The following CPEB4 variants were observed in gnomAD, a reference collection of about 807,000 sequenced individuals.
CPEB4 encodes the protein cytoplasmic polyadenylation element binding protein 4, also known as cytoplasmic polyadenylation element-binding protein 4.
CPEB4 carries 12 observed loss-of-function variants against 72.5 expected under a neutral mutation model. The ratio of observed to expected loss-of-function variants is 0.17; its 90% CI spans 0.11 to 0.27. The LOEUF is 0.27. Ranked by LOEUF, CPEB4 falls within the 10% of genes least tolerant of loss-of-function variation. CPEB4 has a pLI of 1.00. For synonymous variants in CPEB4, 302 were observed against 326.3 expected (o/e 0.93, Z 0.80); for missense variants, 614 against 908.5 (o/e 0.68, Z 4.17).
Position 173,888,866 on chromosome 5 carries a change from C to G in CPEB4, c.-868C>G, listed in dbSNP as rs949838778. On this transcript the variant is annotated 5_prime_UTR_variant, in exon 1 of 10. Transcript: ENST00000265085. The surrounding 1 kb of genome is among the most constrained non-coding windows in gnomAD (Gnocchi z 4.3). ...CCCCAGGCCGCCCGCTCACCCTCGTCGAGTCTCGCTAATCCCTCCTGATCG... is the reference window on the plus strand; with the variant it reads ...CCCCAGGCCGCCCGCTCACCCTCGTGGAGTCTCGCTAATCCCTCCTGATCG... 7.9e-6 allele frequency: 2 copies of G among 253,870 alleles called. No homozygotes were observed. Among genetic ancestry groups the G allele is most frequent in the Non-Finnish European group, 1.5e-5 (2 of 134,554 alleles). 15.7% of individuals were successfully genotyped at this position (253,870 alleles called of 1,614,324 possible).
chr5:173,910,720 T>G lies in CPEB4; in HGVS notation c.1207+116T>G, dbSNP rs150875114. On this transcript the variant is annotated intron_variant, in intron 2 of 9. Coordinates refer to ENST00000265085, the MANE Select transcript of CPEB4 (RefSeq NM_030627.4). ...TGGAGTCACTTTGTATGCAGTAAGT[T>G]CTATCAATTTTACACATATACCTCT... 2.4e-4 allele frequency: 169 copies of G among 691,540 alleles called. No individual in the cohort carries two copies. The East Asian group carries it at 3.9e-3, about 16-fold the overall frequency. The allele number at this position is 691,540 out of a possible 1,614,324, so 42.8% of individuals were successfully genotyped here.
At chr5:173,915,756 C>G (rs1756845785) in intron 2 of CPEB4, among the ~76,000 whole-genome samples, 1 of 152,134 alleles carries the variant, frequency 6.6e-6, no homozygotes, top group Non-Finnish European at 1.5e-5. Flanking sequence ...CATGTTTTTT[C>G]TCGCTTATGA....
At position 173,900,659 on chromosome 5, in the gene CPEB4, ATC is replaced by A. The variant is rs913268932; in HGVS notation, c.1125+9805_1125+9806del. Among the ~76,000 whole-genome samples, 4 of 152,244 alleles carry A rather than the reference ATC, an allele frequency of 2.6e-5. No individual in the cohort carries two copies. Among genetic ancestry groups the A allele is most frequent in the Non-Finnish European group, 5.9e-5 (4 of 68,038 alleles). ...TCATAGGTTTGAACATATTTTGATT[ATC>A]TCTATGAAAACAGGTTATAGAAAAT... On this transcript the variant is annotated intron_variant, in intron 1 of 9. Transcript: ENST00000265085. This position sits in a 1 kb window ranked among gnomAD's most constrained non-coding sequence, Gnocchi z 4.4.
At chr5:173,910,055 C>T (rs1334444645) in intron 1 of CPEB4, among the ~76,000 whole-genome samples, 3 of 149,022 alleles carry the variant, frequency 2.0e-5, no homozygotes, top group African/African-American at 7.4e-5. Context: ...ATTTAATAGT[C>T]TTACAATCAT....
chr5:173,948,971 C>T (rs1758128034), intron 5 of CPEB4, among the ~76,000 whole-genome samples: 1 of 152,072 alleles, frequency 6.6e-6, no homozygotes, highest in Admixed American at 6.6e-5. Context: ...GGAACATAAA[C>T]ATTTGGACCG....
At chr5:173,935,124 GAGAATT>G (rs1421739531) in intron 3 of CPEB4, among the ~76,000 whole-genome samples, 1 of 152,122 alleles carries the variant, frequency 6.6e-6, no homozygotes, top group Non-Finnish European at 1.5e-5. Context: ...GTCAAAATAA[GAGAATT>G]AGAATAAGTA....
Position 173,956,198 on chromosome 5 carries a change from A to T in CPEB4, c.*61A>T. ...TAAGTGCACTCTTCTGTTCATTCTG[A>T]CCCCTTCCTCAACCTCTTCACGCTG... On this transcript the variant is annotated 3_prime_UTR_variant, in exon 10 of 10. Transcript: ENST00000265085. The T allele has an allele frequency of 1.5e-6, 2 of 1,339,586 alleles. No individual in the cohort carries two copies. Among genetic ancestry groups the T allele is most frequent in the South Asian group, 1.2e-5 (1 of 84,394 alleles). 83.0% of individuals were successfully genotyped at this position (1,339,586 alleles called of 1,614,324 possible). A position where few individuals can be genotyped will look rare whatever the true frequency, so the allele number is the denominator to read the frequency against.
At chr5:173,945,200 C>G (rs1052988815) in intron 5 of CPEB4, 60 bp downstream of exon 5, 1 of 1,421,110 alleles carries the variant, frequency 7.0e-7, no homozygotes, top group Non-Finnish European at 9.8e-7. Context: ...AGGAAACTCA[C>G]AGATAGTGTT....
chr5:173,944,080 A>G (rs1014600655), intron 4 of CPEB4, among the ~76,000 whole-genome samples: 8 of 152,194 alleles, frequency 5.3e-5, no homozygotes, highest in Non-Finnish European at 1.2e-4. Flanking sequence ...TTTCCTGCAT[A>G]TATATTCTGG....
chr5:173,908,636 G>A (rs1239928407), intron 1 of CPEB4, among the ~76,000 whole-genome samples: 1 of 152,070 alleles, frequency 6.6e-6, no homozygotes, highest in Non-Finnish European at 1.5e-5. Context: ...GGTAAGATGT[G>A]TTACAAAAGC....
intron 1 of CPEB4, among the ~76,000 whole-genome samples, chr5:173,898,582 C>G (rs1435272107): frequency 1.3e-5 from 2 of 152,192 alleles, no homozygotes; most frequent in Non-Finnish European, 2.9e-5. Context: ...GAAAGCAACT[C>G]ATCAAACAGA....
At chr5:173,909,329 A>G (rs1309854064) in intron 1 of CPEB4, among the ~76,000 whole-genome samples, 1 of 152,252 alleles carries the variant, frequency 6.6e-6, no homozygotes, top group East Asian at 1.9e-4. Context: ...TTCTTTATTT[A>G]CCAGAAGTAA....
chr5:173,936,087 G>A (rs1275790092), intron 3 of CPEB4, among the ~76,000 whole-genome samples: 1 of 152,094 alleles, frequency 6.6e-6, no homozygotes, highest in Non-Finnish European at 1.5e-5. Flanking sequence ...GGCAATCTTG[G>A]GGACAGTTCT....
intron 2 of CPEB4, among the ~76,000 whole-genome samples, chr5:173,925,226 G>T (rs1757203363): frequency 1.3e-5 from 2 of 152,302 alleles, no homozygotes; most frequent in South Asian, 4.1e-4. Context: ...TTAATTCAAA[G>T]ATTTTTGTAA....
At chr5:173,946,709 C>T (rs1039551064) in intron 5 of CPEB4, among the ~76,000 whole-genome samples, 11 of 152,008 alleles carry the variant, frequency 7.2e-5, no homozygotes, top group African/African-American at 2.4e-4. Context: ...TGTACCTGTA[C>T]GTCAGACAAG....
chr5:173,953,370 C>T (rs1256414972), intron 9 of CPEB4, 98 bp downstream of exon 9: 1 of 924,778 alleles, frequency 1.1e-6, no homozygotes, highest in Non-Finnish European at 1.6e-6. Flanking sequence ...AATAAAGTGA[C>T]AGCTGACAAT....
intron 1 of CPEB4, among the ~76,000 whole-genome samples, chr5:173,908,804 T>G (rs1756536981): frequency 6.6e-6 from 1 of 152,164 alleles, no homozygotes; most frequent in Non-Finnish European, 1.5e-5. Context: ...AAAAATAAAG[T>G]CAAAGCTTTG....
intron 2 of CPEB4, among the ~76,000 whole-genome samples, chr5:173,914,856 T>C (rs1756808015): frequency 6.6e-6 from 1 of 152,326 alleles, no homozygotes; most frequent in South Asian, 2.1e-4. Context: ...TGTTTTAGAC[T>C]TTACAATTCA....
At chr5:173,914,891 AT>A (rs1437430018) in intron 2 of CPEB4, among the ~76,000 whole-genome samples, 2 of 152,240 alleles carry the variant, frequency 1.3e-5, no homozygotes, top group Admixed American at 1.3e-4. Context: ...AATCTTAAAA[AT>A]AATTTCATAA....
Sources: allele counts gnomAD v4.1 joint callset (sites outside exome capture counted in the v4.1 genomes callset), GRCh38; gene constraint gnomAD v4.1.1; non-coding constraint Gnocchi (gnomAD v3.1); transcripts MANE v1.5; gene names NCBI Gene and HGNC (gene_info 2026-07-23, HGNC 2026-07-21).